DSE: variants seen among roughly 807,000 people sequenced by gnomAD.
DSE encodes dermatan sulfate epimerase, also known as dermatan-sulfate epimerase.
DSE carries 36 observed loss-of-function variants against 84.4 expected under a neutral mutation model. The ratio of observed to expected loss-of-function variants is 0.43; its 90% CI spans 0.33 to 0.56. The LOEUF (loss-of-function observed/expected upper bound fraction) is 0.56, where lower values mean the gene tolerates loss of function less well. Among genes scored for constraint, DSE ranks in the 20% least tolerant of loss-of-function variants. The probability of loss-of-function intolerance (pLI) is 0.06; values close to 1 mark genes in which losing one functional copy is unlikely to be tolerated. For synonymous variants in DSE, 410 were observed against 430.1 expected, an observed-to-expected ratio of 0.95 and a Z score of 0.58; for missense variants, 862 against 1,169.6, an observed-to-expected ratio of 0.74 and a Z score of 3.84.
chr6:116,424,477 A>G (rs1783303587), intron 2 of DSE, among the ~76,000 whole-genome samples: 1 of 152,224 alleles, frequency 6.6e-6, no homozygotes, highest in Admixed American at 6.5e-5. Context: ...GATCTCTCCA[A>G]ATTCCTGATT....
At chr6:116,349,656 G>A (rs967206632) in intron 2 of DSE, among the ~76,000 whole-genome samples, 6 of 152,162 alleles carry the variant, frequency 3.9e-5, no homozygotes, top group African/African-American at 1.4e-4. Context: ...TCCAGATTGA[G>A]TGAGCTCTCA....
chr6:116,392,183 A>G (rs1780951636), intron 1 of DSE, among the ~76,000 whole-genome samples: 1 of 152,242 alleles, frequency 6.6e-6, no homozygotes, highest in Non-Finnish European at 1.5e-5. Context: ...AATGGATCAG[A>G]GAAGGCAATG....
chr6:116,341,320 G>A (rs887593676), intron 2 of DSE, among the ~76,000 whole-genome samples: 9 of 152,000 alleles, frequency 5.9e-5, no homozygotes, highest in South Asian at 4.1e-4. Context: ...CCCACTTTTC[G>A]ATGGGATAAT....
At chr6:116,393,630 G>A (rs757811174) in intron 1 of DSE, among the ~76,000 whole-genome samples, 10 of 152,182 alleles carry the variant, frequency 6.6e-5, no homozygotes, top group Non-Finnish European at 1.0e-4. Flanking sequence ...GAGAGTGGAC[G>A]TCAGTTGATC....
chr6:116,279,360 T>C lies in DSE; in HGVS notation c.-54+20393T>C, dbSNP rs560519255. 5.6e-6 allele frequency: 9 copies of C among 1,612,012 alleles called. No individual in the cohort carries two copies. The South Asian group carries it at 7.7e-5, about 14-fold the overall frequency. On this transcript the variant is annotated intron_variant, in intron 2 of 3. Transcript: ENST00000430252. ...CTGCTGAGACGGTGGCGCACTTTCC[T>C]GTCTTCACCTCCTCCGCCTCAGCCT... is the stretch of plus-strand genomic sequence containing the variant.
At chr6:116,325,988 A>T (rs1776597306) in intron 2 of DSE, among the ~76,000 whole-genome samples, 1 of 152,146 alleles carries the variant, frequency 6.6e-6, no homozygotes, top group Non-Finnish European at 1.5e-5. Flanking sequence ...ATTAGATTGG[A>T]ACAAAACAGG....
intron 2 of DSE, among the ~76,000 whole-genome samples, chr6:116,292,572 G>A (rs376967338): frequency 6.6e-6 from 1 of 152,146 alleles, no homozygotes; most frequent in East Asian, 1.9e-4. Context: ...CAAGTTCAAG[G>A]AGATGCAGGG....
intron 2 of DSE, among the ~76,000 whole-genome samples, chr6:116,316,855 G>A (rs369088909): frequency 3.4e-5 from 3 of 89,368 alleles, no homozygotes; most frequent in Admixed American, 9.9e-5. Flanking sequence ...TATTATTACT[G>A]CTACTACTAC....
intron 2 of DSE, among the ~76,000 whole-genome samples, chr6:116,323,648 A>G (rs1266743999): frequency 2.0e-5 from 3 of 152,258 alleles, no homozygotes; most frequent in African/African-American, 4.8e-5. Context: ...GTAATGAACA[A>G]CACAAAGATT....
intron 4 of DSE, 85 bp from the exon 5 acceptor site, chr6:116,433,258 C>G: frequency 7.7e-7 from 1 of 1,301,160 alleles, no homozygotes; most frequent in Non-Finnish European, 1.1e-6. Flanking sequence ...TAATTTGCAA[C>G]TAGATTTGAA....
At chr6:116,365,929 C>T (rs543577765), upstream of DSE, among the ~76,000 whole-genome samples, 7 of 152,304 alleles carry the variant, frequency 4.6e-5, no homozygotes, top group Non-Finnish European at 1.0e-4. Context: ...TATCACTCAC[C>T]TTAATTGCTT....
intron 2 of DSE, among the ~76,000 whole-genome samples, chr6:116,413,270 C>A (rs1782498708): frequency 6.6e-6 from 1 of 152,114 alleles, no homozygotes; most frequent in African/African-American, 2.4e-5. Flanking sequence ...CTATTTCATT[C>A]CGTTAAAAAT....
rs1255972825 is a variant in DSE at position 116,431,456 on chromosome 6, CT to C, written c.910+272del. Among the ~76,000 whole-genome samples, 5 of 151,312 alleles carry C rather than the reference CT, an allele frequency of 3.3e-5. No individual in the cohort carries two copies. The East Asian group carries it at 5.8e-4, about 18-fold the overall frequency. ...AATACAATTTCTAGGCCCCTCAATACTTTTTTTTTATATATCCAAACTTGAG... is the reference window on the plus strand; with the variant it reads ...AATACAATTTCTAGGCCCCTCAATACTTTTTTTTATATATCCAAACTTGAG... On this transcript the variant is annotated intron_variant, in intron 4 of 5. Coordinates refer to ENST00000644252, the MANE Select transcript of DSE (RefSeq NM_013352.4).
chr6:116,291,946 A>G (rs956693333), intron 2 of DSE, among the ~76,000 whole-genome samples: 21 of 152,170 alleles, frequency 1.4e-4, no homozygotes, highest in Non-Finnish European at 7.3e-5. Flanking sequence ...ATACAGGAAG[A>G]AGATCGGGTT....
At chr6:116,270,112 A>G (rs1433372456) in intron 2 of DSE, among the ~76,000 whole-genome samples, 1 of 152,182 alleles carries the variant, frequency 6.6e-6, no homozygotes. Context: ...AGGTACTGAA[A>G]TATGATTACA....
At chr6:116,322,935 A>G (rs779513488) in intron 2 of DSE, among the ~76,000 whole-genome samples, 6 of 152,104 alleles carry the variant, frequency 3.9e-5, no homozygotes, top group Non-Finnish European at 7.4e-5. Context: ...TGTAGAGAGC[A>G]TTTTTTTGCT....
At chr6:116,404,721 A>G (rs1781803387) in intron 2 of DSE, among the ~76,000 whole-genome samples, 1 of 152,240 alleles carries the variant, frequency 6.6e-6, no homozygotes, top group Non-Finnish European at 1.5e-5. Context: ...ACGAATATAT[A>G]ACTTTATTCT....
chr6:116,340,167 G>C (rs1344571899), intron 2 of DSE, among the ~76,000 whole-genome samples: 1 of 152,068 alleles, frequency 6.6e-6, no homozygotes, highest in African/African-American at 2.4e-5. Context: ...GCAGATTAAT[G>C]TTTTTCGTCA....
intron 2 of DSE, among the ~76,000 whole-genome samples, chr6:116,413,509 C>T (rs1388785324): frequency 6.6e-6 from 1 of 152,124 alleles, no homozygotes; most frequent in Non-Finnish European, 1.5e-5. Context: ...ATCTTTATTT[C>T]ATTAAGAAAC....
Sources: gnomAD v4.1 joint callset for allele counts (sites outside exome capture counted in the v4.1 genomes callset) on GRCh38, gnomAD v4.1.1 for gene constraint, MANE v1.5 for transcripts, NCBI Gene and HGNC (gene_info 2026-07-23, HGNC 2026-07-21) for gene names.